MAGI1: variants seen among roughly 807,000 people sequenced by gnomAD.
MAGI1 encodes the protein membrane-associated guanylate kinase, WW and PDZ domain-containing protein 1.
Under a neutral mutation model 139.9 loss-of-function variants are expected in MAGI1, and 58 were observed. The ratio of observed to expected loss-of-function variants is 0.41; its 90% CI spans 0.34 to 0.52. The LOEUF is 0.52. Among genes scored for constraint, MAGI1 ranks in the 20% least tolerant of loss-of-function variants. MAGI1 has a pLI of 0.12. For synonymous variants in MAGI1, 812 were observed against 737.9 expected (o/e 1.10, Z -1.63); for missense variants, 1,874 against 1,901.6 (o/e 0.99, Z 0.27).
chr3:65,671,793 T>C (rs2086872552), intron 1 of MAGI1, among the ~76,000 whole-genome samples: 2 of 152,154 alleles, frequency 1.3e-5, no homozygotes, highest in African/African-American at 4.8e-5. Context: ...ATCACTCAGA[T>C]ACCCATCACT....
intron 1 of MAGI1, among the ~76,000 whole-genome samples, chr3:65,627,291 T>C (rs952735482): frequency 6.6e-6 from 1 of 152,060 alleles, no homozygotes; most frequent in Admixed American, 6.6e-5. Context: ...CACTCTATGA[T>C]GTGTGCATGA....
Position 65,986,615 on chromosome 3 carries a change from G to A in MAGI1, c.313+51381C>T, listed in dbSNP as rs185841071. On this transcript the variant is annotated intron_variant, in intron 1 of 22. Transcript: ENST00000402939. ...GCCTTACCAGGATTTCCAAAAGCTT[G>A]GTTCTGGCTCAGGTTGGGAAGCTGA... Among the ~76,000 whole-genome samples the A allele has an allele frequency of 3.9e-5, 6 of 152,290 alleles. No homozygotes were observed. The East Asian group carries it at 1.2e-3, about 29-fold the overall frequency.
intron 1 of MAGI1, among the ~76,000 whole-genome samples, chr3:65,825,191 G>C (rs968077771): frequency 1.3e-5 from 2 of 152,180 alleles, no homozygotes; most frequent in African/African-American, 2.4e-5. Context: ...GAAAAGAAGA[G>C]AGCTTATAGC....
At chr3:65,962,724 T>C (rs1303377906) in intron 1 of MAGI1, among the ~76,000 whole-genome samples, 1 of 148,380 alleles carries the variant, frequency 6.7e-6, no homozygotes, top group Non-Finnish European at 1.5e-5. Context: ...ACTCAGGAGG[T>C]TGAGACACAA....
Position 66,036,224 on chromosome 3 carries a change from C to A in MAGI1, c.313+1772G>T, listed in dbSNP as rs533497953. Among the ~76,000 whole-genome samples, 3 of 152,286 alleles carry A rather than the reference C, an allele frequency of 2.0e-5. No homozygotes were observed. In the East Asian group the frequency reaches 5.8e-4, roughly 29 times the overall value. ...ATCAATTCAAACATAAATAGCTAAT[C>A]TTTATGGAGCACTTACTATGTACAG... On this transcript the variant is annotated intron_variant, in intron 1 of 22. Transcript: ENST00000402939.
chr3:65,996,781 G>A (rs2066472928), intron 1 of MAGI1, among the ~76,000 whole-genome samples: 1 of 152,218 alleles, frequency 6.6e-6, no homozygotes, highest in South Asian at 2.1e-4. Flanking sequence ...CACTCACGAA[G>A]TTTCATATCA....
chr3:65,435,511 A>C (rs1015115131), intron 10 of MAGI1, among the ~76,000 whole-genome samples: 1 of 145,790 alleles, frequency 6.9e-6, no homozygotes, highest in Non-Finnish European at 1.5e-5. Flanking sequence ...TGGAAGATGG[A>C]TGGATACTGT....
rs1295589776 is a variant in MAGI1 at position 65,840,751 on chromosome 3, G to C, written c.313+197245C>G. Among the ~76,000 whole-genome samples, 5 of 152,072 alleles carry C rather than the reference G, an allele frequency of 3.3e-5. No individual in the cohort carries two copies. The South Asian group carries it at 6.2e-4, about 19-fold the overall frequency. ...TTCTGTAGCTGTTTGTTTTGTTTTT[G>C]TTTTTAGTATTATCTTGGTCTAGTT... On this transcript the variant is annotated intron_variant, in intron 1 of 22. Transcript: ENST00000402939.
At chr3:65,363,151 C>T (rs917751948) in intron 21 of MAGI1, among the ~76,000 whole-genome samples, 1 of 152,102 alleles carries the variant, frequency 6.6e-6, no homozygotes, top group East Asian at 1.9e-4. Flanking sequence ...ATGTGCCTGC[C>T]CCATGACATT....
intron 1 of MAGI1, among the ~76,000 whole-genome samples, chr3:65,801,179 A>G (rs2040490284): frequency 6.6e-6 from 1 of 152,262 alleles, no homozygotes; most frequent in Admixed American, 6.5e-5. Context: ...ACTTCCTGAA[A>G]TGGAAAAATA....
chr3:65,969,296 T>G (rs6445519), intron 1 of MAGI1, among the ~76,000 whole-genome samples: 150,911 of 152,270 alleles, frequency 0.99, 74,805 homozygotes, highest in East Asian at 1. Flanking sequence ...GGGAGCGGAG[T>G]TATTTCTCAA....
At chr3:65,952,580 C>T (rs760650833) in intron 1 of MAGI1, among the ~76,000 whole-genome samples, 8 of 152,140 alleles carry the variant, frequency 5.3e-5, no homozygotes, top group South Asian at 2.1e-4. Flanking sequence ...TTTGGGAGGC[C>T]GAGGCGGGTG....
At chr3:65,994,158 T>C (rs972189637) in intron 1 of MAGI1, among the ~76,000 whole-genome samples, 16 of 150,662 alleles carry the variant, frequency 1.1e-4, no homozygotes, top group African/African-American at 3.9e-4. Context: ...CCTGTAATCC[T>C]AGCTACTTGG....
chr3:65,411,784 A>G (rs1945810629), intron 12 of MAGI1, among the ~76,000 whole-genome samples: 1 of 152,092 alleles, frequency 6.6e-6, no homozygotes, highest in African/African-American at 2.4e-5. Context: ...CCAGAATAAT[A>G]TCCGGGCTTT....
Position 65,669,006 on chromosome 3 carries a change from C to T in MAGI1, c.314-46918G>A, listed in dbSNP as rs1319752524. ...GGAGTGCAGTGCAGGGGCACAATCT[C>T]GGCTCACTGCAACCTCCACCTCCCA... On this transcript the variant is annotated intron_variant, in intron 1 of 22. Coordinates refer to ENST00000402939, the MANE Select transcript of MAGI1 (RefSeq NM_001033057.2). 2.6e-5 allele frequency among the ~76,000 whole-genome samples: 4 copies of T among 152,088 alleles called. No individual in the cohort carries two copies. The East Asian group carries it at 5.8e-4, about 22-fold the overall frequency.
At chr3:65,902,162 G>A (rs993169776) in intron 1 of MAGI1, among the ~76,000 whole-genome samples, 7 of 152,150 alleles carry the variant, frequency 4.6e-5, no homozygotes, top group African/African-American at 1.4e-4. Flanking sequence ...TTACAGGTTG[G>A]TATTTTACTG....
chr3:65,791,031 C>T (rs563623059), intron 1 of MAGI1, among the ~76,000 whole-genome samples: 2 of 152,144 alleles, frequency 1.3e-5, no homozygotes, highest in South Asian at 4.2e-4. Flanking sequence ...GCCAAGGTCG[C>T]ATCACTGCAC....
chr3:65,910,287 T>C lies in MAGI1; in HGVS notation c.313+127709A>G, dbSNP rs544074202. ...ACTTTTGTTAAGAGATAGATATAAT[T>C]GAGAATCTCAAATTTGGAAAAAGAT... is the stretch of plus-strand genomic sequence containing the variant. On this transcript the variant is annotated intron_variant, in intron 1 of 22. Transcript: ENST00000402939. 3.9e-4 allele frequency among the ~76,000 whole-genome samples: 59 copies of C among 152,300 alleles called. 1 individual carries two copies. In the South Asian group the frequency reaches 0.012, roughly 31 times the overall value.
chr3:65,850,877 C>T (rs534388476), intron 1 of MAGI1, among the ~76,000 whole-genome samples: 4 of 151,884 alleles, frequency 2.6e-5, no homozygotes, highest in Non-Finnish European at 5.9e-5. Context: ...GAGGCCGAGG[C>T]GGGCGGATCA....
Sources: gnomAD v4.1 joint callset for allele counts (sites outside exome capture counted in the v4.1 genomes callset) on GRCh38, gnomAD v4.1.1 for gene constraint, MANE v1.5 for transcripts, NCBI Gene and HGNC (gene_info 2026-07-23, HGNC 2026-07-21) for gene names.